The following CTNNA2 variants were observed in gnomAD, a reference collection of about 807,000 sequenced individuals.
CTNNA2 encodes catenin alpha 2.
In CTNNA2, 42 loss-of-function variants were observed where a neutral mutation model predicts 101.0. The observed-to-expected ratio is 0.42, with a 90% confidence interval of 0.32 to 0.54. CTNNA2 has a LOEUF of 0.54. Ranked by LOEUF, CTNNA2 falls within the 20% of genes least tolerant of loss-of-function variation. The pLI is 0.14. For synonymous variants in CTNNA2, 450 were observed against 456.4 expected (o/e 0.99, Z 0.18); for missense variants, 871 against 1,223.1 (o/e 0.71, Z 4.29).
intron 9 of CTNNA2, among the ~76,000 whole-genome samples, chr2:80,422,599 G>T (rs1330467082): frequency 1.3e-5 from 2 of 151,916 alleles, no homozygotes; most frequent in Non-Finnish European, 2.9e-5. Flanking sequence ...ACTTTAATTA[G>T]GTCAAGCTAG....
intron 2 of CTNNA2, among the ~76,000 whole-genome samples, chr2:79,711,410 C>G (rs978735421): frequency 6.6e-6 from 1 of 152,126 alleles, no homozygotes; most frequent in Non-Finnish European, 1.5e-5. Context: ...TGAACTTGAA[C>G]TGGCCTGATT....
chr2:80,449,233 A>G (rs935212801), intron 9 of CTNNA2, among the ~76,000 whole-genome samples: 6 of 152,064 alleles, frequency 3.9e-5, no homozygotes, highest in South Asian at 2.1e-4. Flanking sequence ...GCTATGATCA[A>G]TCATGCCACT....
At chr2:80,629,593 CA>C (rs1197642159) in intron 18 of CTNNA2, among the ~76,000 whole-genome samples, 2 of 152,126 alleles carry the variant, frequency 1.3e-5, no homozygotes, top group African/African-American at 2.4e-5. Context: ...AGAATTTCTC[CA>C]GACAGTTTAA....
chr2:80,639,845 G>GT (rs1194690994), intron 18 of CTNNA2, among the ~76,000 whole-genome samples: 3 of 152,084 alleles, frequency 2.0e-5, no homozygotes, highest in African/African-American at 7.2e-5. Flanking sequence ...GCTCACGCCT[G>GT]TAATTCCAGC....
At chr2:79,883,954 T>C (rs143395064) in intron 6 of CTNNA2, among the ~76,000 whole-genome samples, 151 of 152,260 alleles carry the variant, frequency 9.9e-4, no homozygotes, top group East Asian at 4.6e-3. Flanking sequence ...TTTCACCCAA[T>C]AAAATATCAA....
At chr2:79,874,907 C>T (rs928271178) in intron 6 of CTNNA2, among the ~76,000 whole-genome samples, 1 of 152,166 alleles carries the variant, frequency 6.6e-6, no homozygotes, top group East Asian at 1.9e-4. Flanking sequence ...CATAATTTGA[C>T]GATCATCTTT....
At chr2:79,271,799 G>C (rs762510309) in intron 2 of CTNNA2, among the ~76,000 whole-genome samples, 3 of 152,084 alleles carry the variant, frequency 2.0e-5, no homozygotes, top group Non-Finnish European at 4.4e-5. Flanking sequence ...CTGTAAAGTA[G>C]TTCAAGCTGC....
chr2:79,787,753 A>G (rs924928392), intron 3 of CTNNA2, among the ~76,000 whole-genome samples: 4 of 151,848 alleles, frequency 2.6e-5, no homozygotes, highest in African/African-American at 9.7e-5. Context: ...TACCTCTGCT[A>G]CCACTGTCAC....
chr2:80,376,422 G>A (rs1675955999), intron 7 of CTNNA2, among the ~76,000 whole-genome samples: 1 of 148,724 alleles, frequency 6.7e-6, no homozygotes, highest in Admixed American at 6.7e-5. Flanking sequence ...AAACTAGAGA[G>A]ATGAAGTTCC....
At chr2:79,901,437 G>A (rs1260224558) in intron 6 of CTNNA2, among the ~76,000 whole-genome samples, 1 of 152,000 alleles carries the variant, frequency 6.6e-6, no homozygotes, top group African/African-American at 2.4e-5. Context: ...TTACAGAATT[G>A]TCACAATCAA....
intron 7 of CTNNA2, among the ~76,000 whole-genome samples, chr2:80,213,128 C>T (rs559594116): frequency 1.2e-3 from 179 of 152,008 alleles, no homozygotes; most frequent in African/African-American, 4.1e-3. Context: ...GTCTTGCTAG[C>T]GGCCCATCAA....
intron 4 of CTNNA2, among the ~76,000 whole-genome samples, chr2:79,449,389 G>A (rs528934655): frequency 1.3e-5 from 2 of 152,044 alleles, no homozygotes; most frequent in East Asian, 1.9e-4. Flanking sequence ...GAAGCAAAAA[G>A]GTGGTATTAG....
At chr2:80,530,390 C>A (rs564392279) in intron 9 of CTNNA2, among the ~76,000 whole-genome samples, 6 of 152,118 alleles carry the variant, frequency 3.9e-5, no homozygotes, top group Non-Finnish European at 8.8e-5. Flanking sequence ...GCTTCCAGCT[C>A]GGGAGAGACT....
chr2:80,024,090 A>G (rs1004307350), intron 7 of CTNNA2, among the ~76,000 whole-genome samples: 11 of 146,792 alleles, frequency 7.5e-5, no homozygotes, highest in East Asian at 3.9e-4. Context: ...CCGTCTCAGA[A>G]AAAAAAAAAA....
At chr2:79,623,530 A>G (rs778357825) in intron 1 of CTNNA2, among the ~76,000 whole-genome samples, 3 of 152,156 alleles carry the variant, frequency 2.0e-5, no homozygotes, top group Non-Finnish European at 4.4e-5. Context: ...TGAGCCTGCA[A>G]TTTGCATGAA....
chr2:79,244,693 C>T (rs1270172277), intron 2 of CTNNA2, among the ~76,000 whole-genome samples: 1 of 152,212 alleles, frequency 6.6e-6, no homozygotes, highest in African/African-American at 2.4e-5. Flanking sequence ...TTGTTCACTG[C>T]TGTCTCTTGC....
intron 7 of CTNNA2, among the ~76,000 whole-genome samples, chr2:80,167,696 C>A (rs61137057): frequency 0.023 from 3,494 of 152,268 alleles, 146 homozygotes; most frequent in African/African-American, 0.08. Flanking sequence ...GTCAGATATT[C>A]TTCTCTGGCC....
At chr2:80,071,557 CCTGAGATGAAAACCA>C (rs11273745) in intron 7 of CTNNA2, among the ~76,000 whole-genome samples, 6,663 of 152,194 alleles carry the variant, frequency 0.044, 496 homozygotes, top group African/African-American at 0.15. Flanking sequence ...GGTGTGTGGA[CCTGAGATGAAAACCA>C]CTTGATGTGT....
At chr2:79,865,823 C>A (rs987487607) in intron 4 of CTNNA2, among the ~76,000 whole-genome samples, 1 of 152,200 alleles carries the variant, frequency 6.6e-6, no homozygotes, top group Non-Finnish European at 1.5e-5. Context: ...GGGTTCATGC[C>A]ATTCTGGTGC....
Sources: gnomAD v4.1 joint callset for allele counts (sites outside exome capture counted in the v4.1 genomes callset) on GRCh38, gnomAD v4.1.1 for gene constraint, MANE v1.5 for transcripts, NCBI Gene and HGNC (gene_info 2026-07-23, HGNC 2026-07-21) for gene names.